The following LRCH1 variants were observed in gnomAD, a reference collection of about 807,000 sequenced individuals.
LRCH1 encodes the protein leucine rich repeats and calponin homology domain containing 1.
Under a neutral mutation model 94.9 loss-of-function variants are expected in LRCH1, and 23 were observed. That is an observed-to-expected ratio of 0.24 (90% CI 0.17 to 0.34). The LOEUF is 0.34. LRCH1 is among the 10% of genes least tolerant of loss of function. LRCH1 has a pLI of 1.00. For synonymous variants in LRCH1, 364 were observed against 354.9 expected (o/e 1.03, Z -0.29); for missense variants, 790 against 945.9 (o/e 0.84, Z 2.16).
intron 1 of LRCH1, among the ~76,000 whole-genome samples, chr13:46,585,386 G>T (rs1054115909): frequency 6.6e-6 from 1 of 151,878 alleles, no homozygotes; most frequent in Non-Finnish European, 1.5e-5. Context: ...GACCATTCTC[G>T]CTAACACGGT....
chr13:46,652,753 C>G (rs560546251), intron 2 of LRCH1, among the ~76,000 whole-genome samples: 1 of 152,250 alleles, frequency 6.6e-6, no homozygotes, highest in East Asian at 1.9e-4. Context: ...ATTTTCACTG[C>G]TGGTAGTCCT....
intron 1 of LRCH1, among the ~76,000 whole-genome samples, chr13:46,602,179 C>A (rs1594277389): frequency 6.6e-6 from 1 of 152,336 alleles, no homozygotes; most frequent in East Asian, 1.9e-4. Context: ...ATTAATGCAA[C>A]TATGTATAGC....
intron 2 of LRCH1, among the ~76,000 whole-genome samples, chr13:46,654,722 A>G (rs1397989426): frequency 2.6e-5 from 4 of 152,234 alleles, no homozygotes; most frequent in Admixed American, 2.0e-4. Context: ...AGATGATATC[A>G]AGTATAGTAT....
intron 1 of LRCH1, 103 bp downstream of exon 1, chr13:46,553,806 G>A: frequency 6.5e-7 from 1 of 1,542,580 alleles, no homozygotes; most frequent in Non-Finnish European, 8.7e-7. Flanking sequence ...CTTGCTGGGG[G>A]AGGGAGGGTC....
Position 46,553,375 on chromosome 13 carries a change from G to C in LRCH1, c.-22G>C. Reference sequence around the variant, plus strand: ...ACCCCCCCGCAGGAGCGGCGGGGCGGGGTGGGGGGGCCCGGGAGAAGATGG... The same window carrying C: ...ACCCCCCCGCAGGAGCGGCGGGGCGCGGTGGGGGGGCCCGGGAGAAGATGG... On this transcript the variant is annotated 5_prime_UTR_variant, in exon 1 of 20. Transcript: ENST00000389797. 8 of 1,514,744 alleles carry C rather than the reference G, an allele frequency of 5.3e-6. No homozygotes were observed. The highest frequency in any genetic ancestry group is 7.1e-6 in the Non-Finnish European group (8 of 1,134,302). 93.8% of individuals were successfully genotyped at this position (1,514,744 alleles called of 1,614,324 possible).
chr13:46,554,592 T>G (rs1682461588), intron 1 of LRCH1, among the ~76,000 whole-genome samples: 1 of 152,256 alleles, frequency 6.6e-6, no homozygotes, highest in South Asian at 2.1e-4. Context: ...GCATAACTTT[T>G]TCAAGTTACG....
intron 1 of LRCH1, among the ~76,000 whole-genome samples, chr13:46,645,885 C>T (rs1195972473): frequency 1.3e-5 from 2 of 152,138 alleles, no homozygotes; most frequent in East Asian, 3.8e-4. Flanking sequence ...TATTCTGTAT[C>T]TTTTTCATTC....
intron 13 of LRCH1, among the ~76,000 whole-genome samples, chr13:46,711,122 C>T (rs9590983): frequency 0.16 from 24,765 of 152,046 alleles, 2,147 homozygotes; most frequent in South Asian, 0.23. Flanking sequence ...TCTTTCTCTA[C>T]ATAGCTAAAC....
Position 46,553,282 on chromosome 13 carries a change from G to A in LRCH1, c.-115G>A. Reference sequence around the variant, plus strand: ...CCCACACCCTCCTCCCCTCCTTCCAGCGCCTTTCGGTGGAGCACTGCGGCA... The same window carrying A: ...CCCACACCCTCCTCCCCTCCTTCCAACGCCTTTCGGTGGAGCACTGCGGCA... On this transcript the variant is annotated 5_prime_UTR_variant, in exon 1 of 20. Coordinates refer to ENST00000389797, the MANE Select transcript of LRCH1 (RefSeq NM_001164211.2). The A allele has an allele frequency of 1.9e-6, 1 of 531,260 alleles. No homozygotes were observed. Among genetic ancestry groups the A allele is most frequent in the Non-Finnish European group, 3.0e-6 (1 of 338,446 alleles). The allele number at this position is 531,260 out of a possible 1,614,324, so 32.9% of individuals were successfully genotyped here.
At chr13:46,558,306 T>G (rs2050088932) in intron 1 of LRCH1, among the ~76,000 whole-genome samples, 1 of 152,076 alleles carries the variant, frequency 6.6e-6, no homozygotes, top group African/African-American at 2.4e-5. Flanking sequence ...AAAGGTCATT[T>G]TCATGAGGAT....
chr13:46,602,962 G>GCATA (rs1270271249), intron 1 of LRCH1, among the ~76,000 whole-genome samples: 2 of 120,046 alleles, frequency 1.7e-5, no homozygotes, highest in African/African-American at 3.6e-5. Flanking sequence ...ATACATACAT[G>GCATA]CATACATACA....
At chr13:46,723,983 A>AT (rs985473943) in intron 17 of LRCH1, among the ~76,000 whole-genome samples, 1 of 151,820 alleles carries the variant, frequency 6.6e-6, no homozygotes, top group African/African-American at 2.4e-5. Flanking sequence ...TTCATTTTTT[A>AT]TTTTTATTTA....
intron 4 of LRCH1, 85 bp downstream of exon 4, chr13:46,681,931 G>A (rs1349180913): frequency 2.2e-5 from 11 of 490,162 alleles, no homozygotes; most frequent in South Asian, 1.2e-4. Flanking sequence ...GAAGAGGGTC[G>A]ATCTTTGTGT....
chr13:46,712,605 A>G lies in LRCH1; in HGVS notation c.1654+8A>G. ...GCCTGAAGCCTCGATCAGGTAAATG[A>G]AAACCTCAGCCCATTCTTACACTAA... On this transcript the variant is annotated splice_region_variant and intron_variant, in intron 15 of 19. Coordinates refer to ENST00000389797, the MANE Select transcript of LRCH1 (RefSeq NM_001164211.2). The G allele has an allele frequency of 6.2e-7, 1 of 1,612,894 alleles. No homozygotes were observed. Among genetic ancestry groups the G allele is most frequent in the Non-Finnish European group, 8.5e-7 (1 of 1,178,888 alleles).
intron 1 of LRCH1, among the ~76,000 whole-genome samples, chr13:46,630,149 C>G (rs1396149886): frequency 6.6e-6 from 1 of 152,200 alleles, no homozygotes; most frequent in Non-Finnish European, 1.5e-5. Flanking sequence ...TCTTGCCACT[C>G]ACTCAATGAC....
At chr13:46,745,303 C>A (rs930624257), downstream of LRCH1, among the ~76,000 whole-genome samples, 1 of 151,470 alleles carries the variant, frequency 6.6e-6, no homozygotes, top group Non-Finnish European at 1.5e-5. Flanking sequence ...AGTTTGCCAC[C>A]CTTGATCTAG....
chr13:46,622,582 G>C (rs2050893274), intron 1 of LRCH1, among the ~76,000 whole-genome samples: 1 of 152,094 alleles, frequency 6.6e-6, no homozygotes, highest in African/African-American at 2.4e-5. Flanking sequence ...TCCTAAACTA[G>C]TACCACTATT....
At chr13:46,677,255 C>CAAAAAAAAAAAAAAAAAAA (rs67827727) in intron 3 of LRCH1, among the ~76,000 whole-genome samples, 13 of 98,058 alleles carry the variant, frequency 1.3e-4, no homozygotes, top group Non-Finnish European at 1.7e-4. Context: ...ACTAAAAATA[C>CAAAAAAAAAAAAAAAAAAA]AAAAAAAAAA....
At chr13:46,592,722 A>T (rs947091414) in intron 1 of LRCH1, among the ~76,000 whole-genome samples, 1 of 152,146 alleles carries the variant, frequency 6.6e-6, no homozygotes, top group Non-Finnish European at 1.5e-5. Context: ...TGATCATGTC[A>T]TCCTCTTCCC....
Sources: gnomAD v4.1 joint callset for allele counts (sites outside exome capture counted in the v4.1 genomes callset) on GRCh38, gnomAD v4.1.1 for gene constraint, MANE v1.5 for transcripts, NCBI Gene and HGNC (gene_info 2026-07-23, HGNC 2026-07-21) for gene names.